The following ANK2 variants were observed in gnomAD, a reference collection of about 807,000 sequenced individuals.
The protein encoded by ANK2 is ankyrin-2.
A neutral mutation model predicts 360.5 loss-of-function variants in ANK2; 83 were observed. The ratio of observed to expected loss-of-function variants is 0.23; its 90% CI spans 0.19 to 0.28. ANK2 has a LOEUF of 0.28. Ranked by LOEUF, ANK2 falls within the 10% of genes least tolerant of loss-of-function variation. The pLI is 1.00. For synonymous variants in ANK2, 1,740 were observed against 1,759.5 expected, an observed-to-expected ratio of 0.99 and a Z score of 0.28; for missense variants, 4,201 against 4,795.7, an observed-to-expected ratio of 0.88 and a Z score of 3.66.
chr4:113,342,500 A>C (rs1280022810), intron 33 of ANK2, among the ~76,000 whole-genome samples: 2 of 152,196 alleles, frequency 1.3e-5, no homozygotes, highest in African/African-American at 4.8e-5. Context: ...CACCAGTTCG[A>C]GACCAACCTG....
intron 2 of ANK2, among the ~76,000 whole-genome samples, chr4:113,005,781 G>A (rs1406354229): frequency 2.0e-5 from 3 of 152,160 alleles, no homozygotes. Context: ...GGTCGTGGTG[G>A]TGGATCTCTC....
chr4:113,292,606 C>A, intron 21 of ANK2, 92 bp downstream of exon 21: 1 of 1,322,900 alleles, frequency 7.6e-7, no homozygotes, highest in Non-Finnish European at 1.1e-6. Context: ...AGGTCAGATT[C>A]CTCCTCTTTA....
rs767725839 is a variant in ANK2, at chr4:113,360,875, T to C, written c.10734T>C (p.Asp3578=). 8.7e-6 allele frequency: 14 copies of C among 1,612,682 alleles called. No individual in the cohort carries two copies. The highest frequency in any genetic ancestry group is 1.1e-5 in the Non-Finnish European group (13 of 1,179,316). ...RIEERLAYIA[D]HLGFSWTELA... Reference sequence around the variant, plus strand: ...AGGAAAGGCTGGCTTATATTGCTGATCACCTTGGCTTCAGCTGGACAGGTA... The same window carrying C: ...AGGAAAGGCTGGCTTATATTGCTGACCACCTTGGCTTCAGCTGGACAGGTA... Residue 3578 remains aspartate, a synonymous_variant, in exon 39 of 46, where the codon GAT becomes GAC. Transcript: ENST00000357077.
At chr4:112,715,022 G>T in the ANK2 span, among the ~76,000 whole-genome samples, 1 of 152,200 alleles carries the variant, frequency 6.6e-6, no homozygotes, top group Non-Finnish European at 1.5e-5. Context: ...ATTGGGTAGG[G>T]GTTGGTAAGG....
intron 14 of ANK2, among the ~76,000 whole-genome samples, chr4:113,267,579 T>C (rs1416730916): frequency 6.6e-6 from 1 of 152,234 alleles, no homozygotes; most frequent in East Asian, 1.9e-4. Context: ...GCATTTTTTC[T>C]GAGGCCTCTG....
upstream of ANK2, among the ~76,000 whole-genome samples, chr4:112,817,146 C>CT (rs1202664755): frequency 2.0e-5 from 3 of 152,146 alleles, no homozygotes; most frequent in Non-Finnish European, 2.9e-5. Flanking sequence ...TTTGATTATT[C>CT]TTACCTTAAA....
At chr4:113,337,310 G>A (rs1441719057) in intron 31 of ANK2, among the ~76,000 whole-genome samples, 1 of 152,140 alleles carries the variant, frequency 6.6e-6, no homozygotes, top group Non-Finnish European at 1.5e-5. Context: ...ACAACTTAAA[G>A]GTTTTCAGTG....
At chr4:113,229,658 C>T (rs958826820) in intron 4 of ANK2, among the ~76,000 whole-genome samples, 7 of 152,126 alleles carry the variant, frequency 4.6e-5, no homozygotes, top group African/African-American at 1.7e-4. Flanking sequence ...AACACGTAGG[C>T]AGGGATTCTG....
chr4:113,092,817 G>A (rs2154354413), intron 1 of ANK2, among the ~76,000 whole-genome samples: 1 of 152,210 alleles, frequency 6.6e-6, no homozygotes, highest in East Asian at 1.9e-4. Flanking sequence ...GGTTCTTTTA[G>A]TTATTTCTCT....
intron 13 of ANK2, among the ~76,000 whole-genome samples, chr4:113,259,561 CTCT>C (rs2051418930): frequency 6.6e-6 from 1 of 152,074 alleles, no homozygotes; most frequent in Non-Finnish European, 1.5e-5. Context: ...TTAATACTCT[CTCT>C]TCATGTTATT....
intron 2 of ANK2, among the ~76,000 whole-genome samples, chr4:112,936,511 A>T (rs889858592): frequency 6.6e-6 from 1 of 151,928 alleles, no homozygotes; most frequent in East Asian, 1.9e-4. Flanking sequence ...ACACCTGGCT[A>T]ATTTTTGTAT....
At chr4:113,195,469 G>A (rs964266612) in intron 2 of ANK2, among the ~76,000 whole-genome samples, 3 of 151,998 alleles carry the variant, frequency 2.0e-5, no homozygotes, top group African/African-American at 7.3e-5. Flanking sequence ...TAGCTTCTGA[G>A]ATTATTTATG....
chr4:113,294,602 A>C (rs1563505488), intron 22 of ANK2, among the ~76,000 whole-genome samples: 1 of 152,198 alleles, frequency 6.6e-6, no homozygotes, highest in Non-Finnish European at 1.5e-5. Flanking sequence ...TATTGAAGTG[A>C]TGGAATACAG....
At chr4:113,184,437 T>C (rs1048320074) in intron 2 of ANK2, among the ~76,000 whole-genome samples, 3 of 151,960 alleles carry the variant, frequency 2.0e-5, no homozygotes, top group Non-Finnish European at 4.4e-5. Flanking sequence ...TCCAGGAGTC[T>C]GTAGAGTTCA....
intron 4 of ANK2, among the ~76,000 whole-genome samples, chr4:113,222,589 G>A (rs1428471069): frequency 6.6e-6 from 1 of 152,024 alleles, no homozygotes; most frequent in Non-Finnish European, 1.5e-5. Context: ...ACTGAGTTTG[G>A]ATCCCTTTAG....
chr4:112,871,311 A>G (rs2072931841), intron 1 of ANK2, among the ~76,000 whole-genome samples: 1 of 151,612 alleles, frequency 6.6e-6, no homozygotes, highest in Non-Finnish European at 1.5e-5. Context: ...TCAGCCTCCC[A>G]AGAGGCTGGG....
chr4:113,335,765 A>G, intron 29 of ANK2, 81 bp from the exon 30 acceptor site: 1 of 1,399,606 alleles, frequency 7.1e-7, no homozygotes, highest in Non-Finnish European at 1.0e-6. Context: ...TTCATTATTA[A>G]CCGAGCGAAT....
intron 1 of ANK2, among the ~76,000 whole-genome samples, chr4:113,121,126 T>G (rs2095325127): frequency 6.6e-6 from 1 of 152,148 alleles, no homozygotes; most frequent in Non-Finnish European, 1.5e-5. Context: ...GATCATTTAT[T>G]AAGTACCCAT....
At chr4:112,715,825 C>T in the ANK2 span, among the ~76,000 whole-genome samples, 7 of 152,192 alleles carry the variant, frequency 4.6e-5, no homozygotes, top group Admixed American at 1.3e-4. Flanking sequence ...TCACATAGGG[C>T]CTGCACTTTT....
Sources: allele counts gnomAD v4.1 joint callset (sites outside exome capture counted in the v4.1 genomes callset), GRCh38; gene constraint gnomAD v4.1.1; transcripts MANE v1.5; gene names NCBI Gene and HGNC (gene_info 2026-07-23, HGNC 2026-07-21).